CIDEB: variants seen among roughly 807,000 people sequenced by gnomAD.
CIDEB encodes the protein lipid transferase CIDEB.
CIDEB carries 27 observed loss-of-function variants against 22.4 expected under a neutral mutation model. That is an observed-to-expected ratio of 1.21 (90% CI 0.89 to 1.66). The LOEUF is 1.66. CIDEB is among the 40% of genes most tolerant of loss of function. The pLI is 0.00. For missense variants in CIDEB, 289 were observed against 268.7 expected (o/e 1.08, Z -0.53); for synonymous variants, 103 against 109.5 (o/e 0.94, Z 0.37).
upstream of CIDEB, chr14:24,310,988 C>G: frequency 6.3e-7 from 1 of 1,589,498 alleles, no homozygotes; most frequent in Non-Finnish European, 8.5e-7. Context: ...TGTACGCCAG[C>G]GTGCTGCTCA....
Position 24,307,414 on chromosome 14 carries a change from C to T in CIDEB, c.143G>A (p.Arg48Gln), listed in dbSNP as rs768270500. 27 of 1,614,106 alleles carry T rather than the reference C, an allele frequency of 1.7e-5. No individual in the cohort carries two copies. Among genetic ancestry groups the T allele is most frequent in the South Asian group, 1.3e-4 (12 of 91,086 alleles). Residue 48 changes from arginine to glutamine, a missense_variant, in exon 2 of 5, where the codon CGG becomes CAG. Coordinates refer to ENST00000554411, the MANE Select transcript of CIDEB (RefSeq NM_001393339.1). Reference sequence around the variant, plus strand: ...GCGGGTGGCAGCTGTCAGGCCTTTCCGGATGGTCCGCTTGTGATCACAGAC... The same window carrying T: ...GCGGGTGGCAGCTGTCAGGCCTTTCTGGATGGTCCGCTTGTGATCACAGAC... ...FRVCDHKRTI[R>Q]KGLTAATRQE...
chr14:24,306,188 A>G, intron 3 of CIDEB, 51 bp from the exon 4 acceptor site: 1 of 1,576,308 alleles, frequency 6.3e-7, no homozygotes, highest in Admixed American at 1.7e-5. Flanking sequence ...GACACCCACC[A>G]CTAATCTCCA....
At chr14:24,310,819 G>T, upstream of CIDEB, 4 of 1,594,522 alleles carry the variant, frequency 2.5e-6, no homozygotes, top group Non-Finnish European at 3.4e-6. Flanking sequence ...CGGCCTGCAC[G>T]GGGGCGACCG....
rs1156320077 is a variant in CIDEB, at chr14:24,305,673, G to A, written c.620C>T (p.Ala207Val). ...GCGGCCCTTCTGCTGCCACTGCTCA[G>A]CCCCCTCCACTGCATGACGAAGGGT... is the stretch of plus-strand genomic sequence containing the variant. ...SSTLRHAVEGAEQWQQKGRLH... is the reference protein window; with the variant it reads ...SSTLRHAVEGVEQWQQKGRLH... The change falls in exon 5 of 5, where the codon GCT becomes GTT. Residue 207 changes from alanine to valine, a missense_variant. Physicochemically the swap from Ala to Val is moderately conservative, Grantham distance 64. Coordinates refer to ENST00000554411, the MANE Select transcript of CIDEB (RefSeq NM_001393339.1). The A allele has an allele frequency of 3.1e-6, 5 of 1,614,080 alleles. No homozygotes were observed. The highest frequency in any genetic ancestry group is 1.3e-5 in the African/African-American group (1 of 74,928).
chr14:24,306,641 G>T, intron 2 of CIDEB, 118 bp from the exon 3 acceptor site: 1 of 1,284,288 alleles, frequency 7.8e-7, no homozygotes, highest in Non-Finnish European at 1.1e-6. Flanking sequence ...TTGACTTTCC[G>T]GCACTTTGAT....
upstream of CIDEB, chr14:24,308,086 C>G: frequency 1.7e-6 from 1 of 583,432 alleles, no homozygotes; most frequent in Non-Finnish European, 3.1e-6. Flanking sequence ...AATTGCCTGG[C>G]AAAAGCCATT....
chr14:24,308,104 G>A (rs1460688148), upstream of CIDEB: 7 of 565,108 alleles, frequency 1.2e-5, no homozygotes, highest in African/African-American at 1.3e-4. Flanking sequence ...ATTGGAGCTT[G>A]TATGTGTGTC....
intron 2 of CIDEB, 31 bp from the exon 3 acceptor site, chr14:24,306,554 G>T (rs758593534): frequency 1.9e-6 from 3 of 1,613,928 alleles, no homozygotes; most frequent in African/African-American, 1.3e-5. Context: ...AGAAGGGCAG[G>T]TCTTATCCCA....
At chr14:24,310,970 G>A (rs958060467), upstream of CIDEB, 3 of 1,591,142 alleles carry the variant, frequency 1.9e-6, no homozygotes, top group African/African-American at 1.4e-5. Context: ...ACGTGTGCGC[G>A]CTCAGCATGT....
At chr14:24,306,200 C>T in intron 3 of CIDEB, 63 bp from the exon 4 acceptor site, 1 of 1,562,230 alleles carries the variant, frequency 6.4e-7, no homozygotes, top group Non-Finnish European at 8.8e-7. Flanking sequence ...TAATCTCCAT[C>T]AGCACTGGGT....
At chr14:24,310,847 G>C (rs781057522), upstream of CIDEB, 1 of 1,593,784 alleles carries the variant, frequency 6.3e-7, no homozygotes, top group Non-Finnish European at 8.5e-7. Flanking sequence ...CCACGCTTGT[G>C]CTGCACCTGG....
upstream of CIDEB, chr14:24,311,396 C>T (rs765776758): frequency 1.9e-5 from 30 of 1,602,406 alleles, no homozygotes; most frequent in Middle Eastern, 1.7e-4. Context: ...ACGCAGTCAA[C>T]CTTCTGCAGG....
chr14:24,307,730 T>C (rs2041563213), intron 1 of CIDEB, 88 bp downstream of exon 1: 1 of 1,406,628 alleles, frequency 7.1e-7, no homozygotes, highest in Non-Finnish European at 9.9e-7. Flanking sequence ...GAAGGGGTAC[T>C]GGTTAGTCTC....
chr14:24,306,077 G>A lies in CIDEB; in HGVS notation c.397C>T (p.Arg133Ter), dbSNP rs762371641. 1.3e-5 allele frequency: 21 copies of A among 1,613,962 alleles called. No homozygotes were observed. Among genetic ancestry groups the A allele is most frequent in the Middle Eastern group, 1.6e-4 (1 of 6,078 alleles). ...ERPKHSKDIA[R>*]FTFDVYKQNP... ...TGCTTGTACACGTCAAAGGTGAATC[G>A]GGCGATGTCCTTGCTGTGCTTGGGC... Residue 133 changes from arginine to a stop codon, truncating the protein, a stop_gained, in exon 4 of 5, where the codon CGA becomes TGA. Coordinates refer to ENST00000554411, the MANE Select transcript of CIDEB (RefSeq NM_001393339.1). LOFTEE classifies it high-confidence loss of function.
At chr14:24,310,183 A>G, upstream of CIDEB, 1 of 353,882 alleles carries the variant, frequency 2.8e-6, no homozygotes, top group Non-Finnish European at 5.3e-6. Flanking sequence ...ACAGGACAGG[A>G]GTAGGCACCT....
At chr14:24,307,778 C>A in intron 1 of CIDEB, 40 bp downstream of exon 1, 1 of 1,567,392 alleles carries the variant, frequency 6.4e-7, no homozygotes, top group Non-Finnish European at 8.7e-7. Context: ...CTGCCTATAT[C>A]CCCTAAAGGT....
At chr14:24,310,150 TA>T, upstream of CIDEB, 1 of 234,688 alleles carries the variant, frequency 4.3e-6, no homozygotes, top group South Asian at 5.8e-5. Flanking sequence ...ATTCTTGTCT[TA>T]CCCTCTGCAA....
upstream of CIDEB, chr14:24,311,168 C>T (rs1416328979): frequency 1.2e-6 from 2 of 1,605,132 alleles, no homozygotes; most frequent in South Asian, 1.1e-5. Flanking sequence ...ACCGCGTATG[C>T]CAGCTGTGCC....
Position 24,307,529 on chromosome 14 carries a change from A to T in CIDEB, c.42-14T>A, listed in dbSNP as rs2041553012. ...TTAGATACTGACCTGGTAGTTGAGA[A>T]GAAAAGTCAAGAAGGGGCGAGGAGG... On this transcript the variant is annotated splice_polypyrimidine_tract_variant and intron_variant, in intron 1 of 4. Coordinates refer to ENST00000554411, the MANE Select transcript of CIDEB (RefSeq NM_001393339.1). 6.2e-7 allele frequency: 1 copy of T among 1,611,022 alleles called. No individual in the cohort carries two copies. Among genetic ancestry groups the T allele is most frequent in the Admixed American group, 1.7e-5 (1 of 59,744 alleles).
Sources: allele counts gnomAD v4.1 joint callset, GRCh38; gene constraint gnomAD v4.1.1; transcripts MANE v1.5; gene names NCBI Gene and HGNC (gene_info 2026-07-23, HGNC 2026-07-21).